Variants in BICRA observed in about 807,000 individuals in gnomAD.
The protein encoded by BICRA is BRD4 interacting chromatin remodeling complex associated protein.
A neutral mutation model predicts 96.9 loss-of-function variants in BICRA; 31 were observed. The observed-to-expected ratio is 0.32, with a 90% CI of 0.24 to 0.43. BICRA has a LOEUF of 0.43. Among genes scored for constraint, BICRA ranks in the 20% least tolerant of loss-of-function variants. BICRA has a pLI of 1.00. For synonymous variants in BICRA, 1,350 were observed against 1,071.8 expected, an observed-to-expected ratio of 1.26 and a Z score of -5.07; for missense variants, 2,283 against 2,190.3, an observed-to-expected ratio of 1.04 and a Z score of -0.84.
In BICRA at chr19:47,681,221, C is replaced by T; in HGVS notation, c.2051C>T (p.Ser684Phe). ...PEKIVLGQPPSATPTAILTQD... is the reference protein window; with the variant it reads ...PEKIVLGQPPFATPTAILTQD... ...AAGATCGTCCTGGGGCAGCCGCCCT[C>T]TGCCACCCCCACGGCCATCCTCACT... The change falls in exon 6 of 15, where the codon TCT (serine) becomes TTT (phenylalanine). Residue 684 changes from serine to phenylalanine, a missense_variant. By Grantham distance (155) the Ser-to-Phe change is radical. Coordinates refer to ENST00000594866, the MANE Select transcript of BICRA (RefSeq NM_001394372.1). 3 of 1,536,256 alleles carry T rather than the reference C, an allele frequency of 2.0e-6. No individual in the cohort carries two copies. Among genetic ancestry groups the T allele is most frequent in the Non-Finnish European group, 2.6e-6 (3 of 1,146,704 alleles).
intron 1 of BICRA, among the ~76,000 whole-genome samples, chr19:47,641,852 A>G (rs563916771): frequency 2.0e-5 from 3 of 152,020 alleles, no homozygotes; most frequent in Non-Finnish European, 4.4e-5. Context: ...ATATCTTTCC[A>G]TTTATTTGTG....
In BICRA at chr19:47,680,194, G is replaced by T. The variant is rs774755486; in HGVS notation, c.1024G>T (p.Val342Leu). ...GSSPLVPAPN[V>L]ILHRTPTPIQ... ...GTCGCCACTGGTCCCGGCGCCCAAC[G>T]TGATCCTGCATCGCACACCCACGCC... The change falls in exon 6 of 15, where the codon GTG becomes TTG. Residue 342 changes from valine to leucine, a missense_variant. By Grantham distance (32) the Val-to-Leu change is conservative (BLOSUM62 1). Coordinates refer to ENST00000594866, the MANE Select transcript of BICRA (RefSeq NM_001394372.1). 6.5e-7 allele frequency: 1 copy of T among 1,548,174 alleles called. No individual in the cohort carries two copies. Among genetic ancestry groups the T allele is most frequent in the African/African-American group, 1.4e-5 (1 of 72,494 alleles).
intron 5 of BICRA, among the ~76,000 whole-genome samples, chr19:47,678,094 T>C (rs990905285): frequency 6.6e-6 from 1 of 152,140 alleles, no homozygotes; most frequent in Non-Finnish European, 1.5e-5. Flanking sequence ...ATTTAAACAA[T>C]AGTTGCTTAT....
chr19:47,616,456 G>T (rs565817559), intron 1 of BICRA, among the ~76,000 whole-genome samples: 1 of 152,080 alleles, frequency 6.6e-6, no homozygotes, highest in Non-Finnish European at 1.5e-5. Context: ...GGCCAACATG[G>T]TGAAGCCCTG....
chr19:47,666,764 G>C (rs1972785484), intron 1 of BICRA, among the ~76,000 whole-genome samples: 1 of 151,908 alleles, frequency 6.6e-6, no homozygotes, highest in South Asian at 2.1e-4. Context: ...GTAGAGATGA[G>C]ATCTTGCTGT....
intron 7 of BICRA, 21 bp downstream of exon 7, chr19:47,682,173 T>C: frequency 1.6e-6 from 2 of 1,237,208 alleles, no homozygotes; most frequent in South Asian, 1.4e-5. Flanking sequence ...CCCAGCAGCC[T>C]GTGTCCGCAG....
chr19:47,656,088 A>ACG (rs1264377317), intron 1 of BICRA, among the ~76,000 whole-genome samples: 1 of 129,266 alleles, frequency 7.7e-6, no homozygotes, highest in African/African-American at 2.9e-5. Context: ...ACACACACAC[A>ACG]CACACACACA....
chr19:47,681,932 C>T, intron 6 of BICRA, 44 bp from the exon 7 acceptor site: 1 of 1,413,244 alleles, frequency 7.1e-7, no homozygotes, highest in Non-Finnish European at 9.6e-7. Context: ...GGTCGAGGGC[C>T]TGTGGGGGCG....
In BICRA at chr19:47,694,536, C is replaced by A. The variant is rs376974914; in HGVS notation, c.2705C>A (p.Thr902Lys). 8.1e-6 allele frequency: 13 copies of A among 1,609,586 alleles called. No homozygotes were observed. Among genetic ancestry groups the A allele is most frequent in the Middle Eastern group, 1.7e-4 (1 of 6,058 alleles). Reference protein sequence around the residue: ...SETSSRLPAPTPSDFQLQFPP... With the variant: ...SETSSRLPAPKPSDFQLQFPP... Reference sequence around the variant, plus strand: ...ACGTCCTCCAGGTTGCCAGCCCCTACGCCATCCGACTTCCAGCTCCAGTTC... The same window carrying A: ...ACGTCCTCCAGGTTGCCAGCCCCTAAGCCATCCGACTTCCAGCTCCAGTTC... The change falls in exon 8 of 15, where the codon ACG becomes AAG. Residue 902 changes from threonine (T) to lysine (K), a missense_variant. By Grantham distance (78) the Thr-to-Lys change is moderately conservative. Coordinates refer to ENST00000594866, the MANE Select transcript of BICRA (RefSeq NM_001394372.1).
In BICRA at chr19:47,701,542, C is replaced by CTCT; in HGVS notation, c.3813_3815dup (p.Ser1276dup). On this transcript the variant is annotated inframe_insertion, in exon 15 of 15. Transcript: ENST00000594866. The surrounding 1 kb of genome is among the most constrained non-coding windows in gnomAD (Gnocchi z 5.4). ...CCCGGGCGTCCTCCTCCCTGTCCTC[C>CTCT]TCTTCCTCCTCCTCCTCTGCCGCCT... 1 of 1,549,894 alleles carries CTCT rather than the reference C, an allele frequency of 6.5e-7. No individual in the cohort carries two copies. The highest frequency in any genetic ancestry group is 1.2e-5 in the South Asian group (1 of 84,208).
intron 1 of BICRA, among the ~76,000 whole-genome samples, chr19:47,642,421 C>T (rs1438732008): frequency 6.6e-6 from 1 of 152,310 alleles, no homozygotes; most frequent in South Asian, 2.1e-4. Flanking sequence ...AACTGCCCAC[C>T]TGGGCGCAGT....
At chr19:47,622,655 C>T (rs1284520483) in intron 1 of BICRA, among the ~76,000 whole-genome samples, 2 of 140,034 alleles carry the variant, frequency 1.4e-5, no homozygotes, top group Non-Finnish European at 3.0e-5. Flanking sequence ...ACCCGGGAGG[C>T]GGAGCTTGCA....
chr19:47,612,598 A>G (rs991943406), intron 1 of BICRA, among the ~76,000 whole-genome samples: 9 of 151,820 alleles, frequency 5.9e-5, no homozygotes, highest in Non-Finnish European at 1.2e-4. Context: ...CATGCGGAAT[A>G]CATGCTTAGC....
intron 2 of BICRA, among the ~76,000 whole-genome samples, chr19:47,672,232 G>A (rs1195850777): frequency 1.4e-5 from 2 of 148,056 alleles, no homozygotes; most frequent in Non-Finnish European, 3.0e-5. Flanking sequence ...TAGATGGGTG[G>A]AAGGATGGAG....
intron 1 of BICRA, among the ~76,000 whole-genome samples, chr19:47,642,901 T>G (rs1972404879): frequency 6.6e-6 from 1 of 152,262 alleles, no homozygotes; most frequent in African/African-American, 2.4e-5. Context: ...TTAATTTCCC[T>G]GATGACTAAA....
At position 47,609,475 on chromosome 19, in the gene BICRA, G is replaced by A. The variant is rs544989640; in HGVS notation, c.-108+307G>A. Among the ~76,000 whole-genome samples, 6 of 100,208 alleles carry A rather than the reference G, an allele frequency of 6.0e-5. No homozygotes were observed. The South Asian group carries it at 1.6e-3, about 27-fold the overall frequency. The allele number at this position is 100,208 out of a possible 152,430, so 65.7% of individuals were successfully genotyped here. On this transcript the variant is annotated intron_variant, in intron 1 of 14. Coordinates refer to ENST00000594866, the MANE Select transcript of BICRA (RefSeq NM_001394372.1). Reference sequence around the variant, plus strand: ...CACCGCCGCCGCCCCGATCCTATGGGGACCCCCCCCCAACCGGCTTCCCTG... The same window carrying A: ...CACCGCCGCCGCCCCGATCCTATGGAGACCCCCCCCCAACCGGCTTCCCTG...
chr19:47,650,119 ATTTT>A (rs1366196080), intron 1 of BICRA, among the ~76,000 whole-genome samples: 1 of 151,422 alleles, frequency 6.6e-6, no homozygotes, highest in Admixed American at 6.6e-5. Context: ...TGCCTGGCTA[ATTTT>A]TTTGTTTGTT....
intron 7 of BICRA, 27 bp from the exon 8 acceptor site, chr19:47,694,088 T>TCAG: frequency 1.7e-6 from 1 of 581,738 alleles, no homozygotes; most frequent in East Asian, 8.9e-5. Context: ...CCCCCGCCCC[T>TCAG]CCCCTCTCCC....
At position 47,692,781 on chromosome 19, in the gene BICRA, T is replaced by C. The variant is rs530372614; in HGVS notation, c.2284-1334T>C. ...CTTGGAAGGGATGCTGGAAGGGCCC[T>C]GGGACTTAGAGGCCAAAGCTGGTGG... On this transcript the variant is annotated intron_variant, in intron 7 of 14. Transcript: ENST00000594866. 2.0e-5 allele frequency among the ~76,000 whole-genome samples: 3 copies of C among 152,338 alleles called. No homozygotes were observed. In the East Asian group the frequency reaches 5.8e-4, roughly 29 times the overall value.
Sources: gnomAD v4.1 joint callset for allele counts (sites outside exome capture counted in the v4.1 genomes callset) on GRCh38, gnomAD v4.1.1 for gene constraint, Gnocchi (gnomAD v3.1) non-coding constraint, MANE v1.5 for transcripts, NCBI Gene and HGNC (gene_info 2026-07-23, HGNC 2026-07-21) for gene names.